Variants in MAPK10 observed in about 807,000 individuals in gnomAD.
MAPK10 encodes the protein mitogen-activated protein kinase 10, also known as JNK3 alpha protein kinase.
A neutral mutation model predicts 59.3 loss-of-function variants in MAPK10; 25 were observed. That is an observed-to-expected ratio of 0.42 (90% CI 0.31 to 0.59). MAPK10 has a LOEUF of 0.59. MAPK10 is among the 20% of genes least tolerant of loss of function. The pLI is 0.15. For missense variants in MAPK10, 351 were observed against 568.9 expected (o/e 0.62, Z 3.90); for synonymous variants, 190 against 200.5 (o/e 0.95, Z 0.44).
chr4:86,020,561 C>A (rs7692460), intron 13 of MAPK10: 1 of 168,174 alleles, frequency 5.9e-6, no homozygotes, highest in Non-Finnish European at 1.2e-5. Context: ...AGATTGAAGC[C>A]GCGGACCCTC....
intron 2 of MAPK10, among the ~76,000 whole-genome samples, chr4:86,256,175 A>T (rs1013638836): frequency 3.3e-5 from 5 of 152,154 alleles, no homozygotes; most frequent in Admixed American, 2.6e-4. Flanking sequence ...ACATTATAAC[A>T]TTGTCTGTAG....
At chr4:86,447,141 TGA>T (rs2149051893) in intron 1 of MAPK10, among the ~76,000 whole-genome samples, 1 of 152,264 alleles carries the variant, frequency 6.6e-6, no homozygotes, top group South Asian at 2.1e-4. Context: ...CCCCAGGTGT[TGA>T]GAGAGGGACC....
chr4:86,207,914 C>T (rs2084601786), intron 2 of MAPK10, among the ~76,000 whole-genome samples: 1 of 152,190 alleles, frequency 6.6e-6, no homozygotes, highest in East Asian at 1.9e-4. Context: ...TGAGACTTTG[C>T]TGAAGTTGCT....
At chr4:86,546,487 G>C (rs1384572696) in intron 1 of MAPK10, among the ~76,000 whole-genome samples, 1 of 151,626 alleles carries the variant, frequency 6.6e-6, no homozygotes, top group Admixed American at 6.6e-5. Flanking sequence ...AACCTGGGAA[G>C]CGGAGGTTGC....
chr4:86,343,365 G>A (rs74374268), intron 2 of MAPK10, among the ~76,000 whole-genome samples: 79,861 of 151,610 alleles, frequency 0.53, 22,697 homozygotes, highest in South Asian at 0.7. Flanking sequence ...CAGGTTCTAT[G>A]TCAGATTTTG....
Position 86,460,149 on chromosome 4 carries a change from G to A in MAPK10, c.-262-105505C>T, listed in dbSNP as rs530626751. 2.0e-5 allele frequency among the ~76,000 whole-genome samples: 3 copies of A among 152,316 alleles called. No homozygotes were observed. In the South Asian group the frequency reaches 6.2e-4, roughly 32 times the overall value. ...ATGGGTTTCAGCAACTGGGCAGACT[G>A]AGATGTTCAGACTCCCCTCAATTAG... On this transcript the variant is annotated intron_variant, in intron 1 of 4. Coordinates refer to the MAPK10 transcript ENST00000502302.
At chr4:86,172,964 G>A (rs934183566) in intron 3 of MAPK10, among the ~76,000 whole-genome samples, 1 of 151,690 alleles carries the variant, frequency 6.6e-6, no homozygotes, top group African/African-American at 2.4e-5. Context: ...AAAGAAATAA[G>A]AGACAACACA....
chr4:86,359,288 C>CTCTCTCTCTCTCTCCCTGTG (rs796310826), intron 1 of MAPK10, among the ~76,000 whole-genome samples: 1 of 94,606 alleles, frequency 1.1e-5, no homozygotes, highest in African/African-American at 5.3e-5. Context: ...CTCTCTCTCT[C>CTCTCTCTCTCTCTCCCTGTG]TGTGTGTGTG....
chr4:86,249,664 A>C (rs1013972845), intron 2 of MAPK10, among the ~76,000 whole-genome samples: 1 of 152,206 alleles, frequency 6.6e-6, no homozygotes, highest in Non-Finnish European at 1.5e-5. Flanking sequence ...TGATCAGTAC[A>C]TGGGATATAG....
At chr4:86,396,301 C>A (rs891966890) in intron 1 of MAPK10, among the ~76,000 whole-genome samples, 1 of 152,076 alleles carries the variant, frequency 6.6e-6, no homozygotes, top group Non-Finnish European at 1.5e-5. Context: ...GAGCCGAGAT[C>A]GTGCCACTGC....
At chr4:86,401,141 G>A (rs1395396309) in intron 1 of MAPK10, among the ~76,000 whole-genome samples, 3 of 152,040 alleles carry the variant, frequency 2.0e-5, no homozygotes, top group Non-Finnish European at 4.4e-5. Flanking sequence ...TGTACTACAG[G>A]AAAATAACTA....
chr4:86,439,290 C>A (rs1194718531), intron 1 of MAPK10, among the ~76,000 whole-genome samples: 2 of 152,156 alleles, frequency 1.3e-5, no homozygotes, highest in Non-Finnish European at 2.9e-5. Flanking sequence ...CATCTCCAGC[C>A]TCTGGCAAAC....
chr4:86,295,755 ATATATATATATTT>A, intron 2 of MAPK10, among the ~76,000 whole-genome samples: 2 of 142,654 alleles, frequency 1.4e-5, no homozygotes, highest in South Asian at 2.1e-4. Flanking sequence ...TATATATTTT[ATATATATATATTT>A]TATATATATA....
chr4:86,165,817 C>T (rs2149245296), intron 3 of MAPK10, among the ~76,000 whole-genome samples: 1 of 152,148 alleles, frequency 6.6e-6, no homozygotes, highest in East Asian at 1.9e-4. Context: ...TTACTCTCAG[C>T]AGAGGGTTAC....
At chr4:86,381,562 A>C (rs1659548937) in intron 1 of MAPK10, among the ~76,000 whole-genome samples, 1 of 152,264 alleles carries the variant, frequency 6.6e-6, no homozygotes, top group South Asian at 2.1e-4. Context: ...GGATACTGGA[A>C]GGCAGGAGAA....
intron 1 of MAPK10, among the ~76,000 whole-genome samples, chr4:86,593,282 T>C (rs1367962355): frequency 6.6e-6 from 1 of 152,216 alleles, no homozygotes; most frequent in Non-Finnish European, 1.5e-5. Flanking sequence ...AATTCAGATT[T>C]ACCTAGGGCT....
intron 4 of MAPK10, among the ~76,000 whole-genome samples, chr4:86,120,866 C>T (rs567068349): frequency 5.9e-5 from 9 of 152,248 alleles, no homozygotes; most frequent in East Asian, 3.9e-4. Context: ...CTGATTTTGC[C>T]ATTTACTGTG....
intron 4 of MAPK10, among the ~76,000 whole-genome samples, chr4:86,153,139 TA>T (rs545095653): frequency 4.6e-5 from 7 of 151,994 alleles, no homozygotes; most frequent in East Asian, 1.9e-4. Flanking sequence ...AGACAAGTTC[TA>T]AAAAAAATAA....
intron 1 of MAPK10, among the ~76,000 whole-genome samples, chr4:86,574,721 C>G (rs1761745832): frequency 6.6e-6 from 1 of 152,060 alleles, no homozygotes; most frequent in Non-Finnish European, 1.5e-5. Context: ...GTTCTGTGAC[C>G]TGGCTAAACT....
Sources: gnomAD v4.1 joint callset for allele counts (sites outside exome capture counted in the v4.1 genomes callset) on GRCh38, gnomAD v4.1.1 for gene constraint, MANE v1.5 for transcripts, NCBI Gene and HGNC (gene_info 2026-07-23, HGNC 2026-07-21) for gene names.